EIF2AK1: variants seen among roughly 807,000 people sequenced by gnomAD.
EIF2AK1 encodes eukaryotic translation initiation factor 2-alpha kinase 1.
EIF2AK1 carries 54 observed loss-of-function variants against 77.9 expected under a neutral mutation model. That is an observed-to-expected ratio of 0.69 (90% confidence interval 0.56 to 0.87). The LOEUF is 0.87. Ranked by LOEUF, EIF2AK1 falls within the 40% of genes least tolerant of loss-of-function variation. The pLI, the probability that EIF2AK1 is intolerant of heterozygous loss-of-function variation, is 0.00. For synonymous variants in EIF2AK1, 314 were observed against 290.5 expected (o/e 1.08, Z -0.82); for missense variants, 810 against 768.6 (o/e 1.05, Z -0.64).
chr7:6,023,563 G>A lies in EIF2AK1; in HGVS notation c.*1110C>T, dbSNP rs374123170. ...TGGGAATGAACTCACCGTAGCAGAC[G>A]TGGTGCTGTGGTCTGTACTCCAGCA... is the stretch of plus-strand genomic sequence containing the variant. On this transcript the variant is annotated 3_prime_UTR_variant, in exon 15 of 15. Transcript: ENST00000199389. 20 of 1,614,118 alleles carry A rather than the reference G, an allele frequency of 1.2e-5. No homozygotes were observed. Among genetic ancestry groups the A allele is most frequent in the African/African-American group, 6.7e-5 (5 of 74,936 alleles).
At chr7:6,050,287 C>T (rs182037820) in intron 2 of EIF2AK1, among the ~76,000 whole-genome samples, 5 of 152,134 alleles carry the variant, frequency 3.3e-5, no homozygotes, top group South Asian at 2.1e-4. Context: ...CTCCACCTCC[C>T]GGGTTCAAGT....
At chr7:6,042,436 G>C (rs1013919534) in intron 8 of EIF2AK1, among the ~76,000 whole-genome samples, 14 of 149,206 alleles carry the variant, frequency 9.4e-5, no homozygotes, top group African/African-American at 2.7e-4. Context: ...GGGCGACAGA[G>C]CGAGACTCCA....
In EIF2AK1 at chr7:6,023,843, A is replaced by T; in HGVS notation, c.*830T>A. ...AAGCATCATGTAATTTATGGTTTTC[A>T]TTTTATTTAAAATTCAGCAAAATCA... On this transcript the variant is annotated 3_prime_UTR_variant, in exon 15 of 15. Coordinates refer to ENST00000199389, the MANE Select transcript of EIF2AK1 (RefSeq NM_014413.4). The T allele has an allele frequency of 6.4e-7, 1 of 1,551,048 alleles. No individual in the cohort carries two copies. The highest frequency in any genetic ancestry group is 8.7e-7 in the Non-Finnish European group (1 of 1,147,290).
intron 1 of EIF2AK1, among the ~76,000 whole-genome samples, chr7:6,055,532 A>T (rs1180765005): frequency 1.3e-5 from 2 of 152,012 alleles, no homozygotes; most frequent in Admixed American, 6.6e-5. Flanking sequence ...GAGGCTGAGG[A>T]ACCAGTGAAC....
rs1381049202 is a variant in EIF2AK1, at chr7:6,035,238, T to A, written c.1332+2186A>T. On this transcript the variant is annotated intron_variant, in intron 11 of 14. Transcript: ENST00000199389. This position sits in a 1 kb window ranked among gnomAD's most constrained non-coding sequence, Gnocchi z 5.5. ...ATACATAAAATGAAGCTAGGCCCCA[T>A]CACGTAGTGATGCATCCCACCACAT... Among the ~76,000 whole-genome samples the A allele has an allele frequency of 6.6e-6, 1 of 152,046 alleles. No homozygotes were observed. Among genetic ancestry groups the A allele is most frequent in the Non-Finnish European group, 1.5e-5 (1 of 68,010 alleles).
chr7:6,035,854 C>T lies in EIF2AK1; in HGVS notation c.1332+1570G>A. The T allele has an allele frequency of 6.5e-7, 1 of 1,547,886 alleles. No homozygotes were observed. Among genetic ancestry groups the T allele is most frequent in the Non-Finnish European group, 8.7e-7 (1 of 1,145,086 alleles). On this transcript the variant is annotated intron_variant, in intron 11 of 14. Transcript: ENST00000199389. This position sits in a 1 kb window ranked among gnomAD's most constrained non-coding sequence, Gnocchi z 5.5. ...ACGGGGAACACGCCCCTGAAGCTTG[C>T]AGTGTGCACTGCATCAAGCAAAGCA...
Position 6,059,167 on chromosome 7 carries a change from C to A in EIF2AK1, c.-84G>T, listed in dbSNP as rs765526781. 60 of 942,390 alleles carry A rather than the reference C, an allele frequency of 6.4e-5. No homozygotes were observed. The highest frequency in any genetic ancestry group is 7.9e-5 in the Non-Finnish European group (55 of 695,150). 58.4% of individuals were successfully genotyped at this position (942,390 alleles called of 1,614,324 possible). On this transcript the variant is annotated 5_prime_UTR_variant, in exon 1 of 15. Coordinates refer to ENST00000199389, the MANE Select transcript of EIF2AK1 (RefSeq NM_014413.4). ...CGATGCTGCAGCTAGCGCCGTCCGA[C>A]CCGGAAGTAACCCCTCACCAGACGG...
intron 6 of EIF2AK1, 84 bp downstream of exon 6, chr7:6,045,987 A>C: frequency 2.3e-6 from 2 of 864,848 alleles, no homozygotes; most frequent in South Asian, 3.7e-5. Flanking sequence ...TACTTTTGCC[A>C]AATATACACA....
At chr7:6,055,839 C>T (rs1391857523) in intron 1 of EIF2AK1, among the ~76,000 whole-genome samples, 12 of 149,446 alleles carry the variant, frequency 8.0e-5, no homozygotes, top group African/African-American at 2.5e-4. Flanking sequence ...ATTAGCCAGG[C>T]GTGGTGGCGC....
chr7:6,029,305 G>T (rs1211674397), intron 11 of EIF2AK1, among the ~76,000 whole-genome samples: 1 of 152,006 alleles, frequency 6.6e-6, no homozygotes, highest in African/African-American at 2.4e-5. Context: ...TTCAAGACAA[G>T]CATGGCCAAC....
In EIF2AK1 at chr7:6,035,499, TCCA is replaced by T; in HGVS notation, c.1332+1922_1332+1924del. The T allele has an allele frequency of 1.3e-6, 2 of 1,551,066 alleles. No individual in the cohort carries two copies. The highest frequency in any genetic ancestry group is 1.7e-6 in the Non-Finnish European group (2 of 1,147,106). On this transcript the variant is annotated intron_variant, in intron 11 of 14. Transcript: ENST00000199389. The surrounding 1 kb of genome is among the most constrained non-coding windows in gnomAD (Gnocchi z 5.5). ...AATGCTACTGCACTGGCCAGTCACT[TCCA>T]CCACGTGGGCAAAACCAGGCAACAG...
chr7:6,041,274 C>T, intron 8 of EIF2AK1, 55 bp from the exon 9 acceptor site: 1 of 1,525,410 alleles, frequency 6.6e-7, no homozygotes, highest in South Asian at 1.3e-5. Flanking sequence ...CACAGTGGCT[C>T]ATGCCTGTAA....
At chr7:6,034,650 C>T (rs897947605) in intron 11 of EIF2AK1, among the ~76,000 whole-genome samples, 1 of 152,234 alleles carries the variant, frequency 6.6e-6, no homozygotes, top group African/African-American at 2.4e-5. Context: ...TCACCATATC[C>T]ATAGCCTAGG....
intron 1 of EIF2AK1, 126 bp downstream of exon 1, chr7:6,058,840 C>T (rs1203380472): frequency 1.9e-5 from 15 of 797,584 alleles, no homozygotes; most frequent in Non-Finnish European, 2.8e-5. Flanking sequence ...GCTGGGCCGC[C>T]GGTTCAACCC....
In EIF2AK1 at chr7:6,026,782, C is replaced by G. The variant is rs1320478135; in HGVS notation, c.1710G>C (p.Gln570His). Residue 570 changes from glutamine (Q) to histidine (H), a missense_variant, in exon 14 of 15, where the codon CAG (glutamine) becomes CAC (histidine). Coordinates refer to ENST00000199389, the MANE Select transcript of EIF2AK1 (RefSeq NM_014413.4). Reference sequence around the variant, plus strand: ...GCAGCAGCTGAATGGCAGATGGTCTCTGCGATGAGTTCCTTCTCGTTAAGT... The same window carrying G: ...GCAGCAGCTGAATGGCAGATGGTCTGTGCGATGAGTTCCTTCTCGTTAAGT... ...IQHLTRRNSS[Q>H]RPSAIQLLQS... is the part of the protein sequence containing the mutation. 34 of 1,614,114 alleles carry G rather than the reference C, an allele frequency of 2.1e-5. No homozygotes were observed. Among genetic ancestry groups the G allele is most frequent in the Non-Finnish European group, 2.9e-5 (34 of 1,180,054 alleles).
At position 6,038,605 on chromosome 7, in the gene EIF2AK1, C is replaced by T; in HGVS notation, c.1186G>A (p.Val396Ile). The change falls in exon 10 of 15, where the codon GTC (valine) becomes ATC (isoleucine). Residue 396 changes from valine to isoleucine, a missense_variant. Around this residue, in one of 3 missense-constraint regions of EIF2AK1, gnomAD observed 549 missense variants for 533.7 expected, o/e 1.03. Transcript: ENST00000199389. ...LCELSLWDWI[V>I]ERNKRGREYV... ...TCCCGGCCCCGCTTGTTTCTCTCGA[C>T]TATCCAATCCCACAGCGAGAGCTCA... 3 of 1,613,260 alleles carry T rather than the reference C, an allele frequency of 1.9e-6. No homozygotes were observed. Among genetic ancestry groups the T allele is most frequent in the Admixed American group, 1.7e-5 (1 of 59,904 alleles).
rs1787817727 is a variant in EIF2AK1, at chr7:6,028,641, A to G, written c.1504T>C (p.Leu502=). Residue 502 remains leucine, a synonymous_variant, in exon 13 of 15, where the codon TTG becomes CTG. Transcript: ENST00000199389. ...GTCLYASPEQ[L]EGSEYDAKSD... ...TTGGCATCATACTCAGATCCTTCCAACTGTTCGGGTGAAGCGTACAGACAA... is the reference window on the plus strand; with the variant it reads ...TTGGCATCATACTCAGATCCTTCCAGCTGTTCGGGTGAAGCGTACAGACAA... The G allele has an allele frequency of 6.2e-7, 1 of 1,614,014 alleles. No homozygotes were observed. The highest frequency in any genetic ancestry group is 1.1e-5 in the South Asian group (1 of 91,082).
At position 6,036,147 on chromosome 7, in the gene EIF2AK1, C is replaced by A. The variant is rs1251829339; in HGVS notation, c.1332+1277G>T. On this transcript the variant is annotated intron_variant, in intron 11 of 14. Coordinates refer to ENST00000199389, the MANE Select transcript of EIF2AK1 (RefSeq NM_014413.4). This position sits in a 1 kb window ranked among gnomAD's most constrained non-coding sequence, Gnocchi z 4.6. Reference sequence around the variant, plus strand: ...GGCCAGGCTACTTTATCACACTTATCCTCTGAGAATGACCAATAACCAAGG... The same window carrying A: ...GGCCAGGCTACTTTATCACACTTATACTCTGAGAATGACCAATAACCAAGG... 1 of 1,550,314 alleles carries A rather than the reference C, an allele frequency of 6.5e-7. No individual in the cohort carries two copies.
At chr7:6,037,185 C>A (rs1364813831) in intron 11 of EIF2AK1, among the ~76,000 whole-genome samples, 1 of 151,596 alleles carries the variant, frequency 6.6e-6, no homozygotes, top group Non-Finnish European at 1.5e-5. Flanking sequence ...GAGCTGTAAT[C>A]GTGCCACTGC....
Sources: gnomAD v4.1 joint callset for allele counts (sites outside exome capture counted in the v4.1 genomes callset) on GRCh38, gnomAD v4.1.1 for gene constraint, gnomAD v4.1.1 regional missense constraint, Gnocchi (gnomAD v3.1) non-coding constraint, MANE v1.5 for transcripts, NCBI Gene and HGNC (gene_info 2026-07-23, HGNC 2026-07-21) for gene names.